Variants in RS1 observed in about 807,000 individuals in gnomAD.
RS1 encodes the protein retinoschisin.
RS1 carries 2 observed loss-of-function variants against 20.8 expected under a neutral mutation model. That is an observed-to-expected ratio of 0.10 (90% CI 0.04 to 0.30). The LOEUF is 0.30. Among genes scored for constraint, RS1 ranks in the 10% least tolerant of loss-of-function variants. RS1 has a pLI of 1.00. For missense variants in RS1, 151 were observed against 189.8 expected (o/e 0.80, Z 1.20); for synonymous variants, 70 against 75.8 (o/e 0.92, Z 0.40).
At chrX:18,661,827 C>T (rs995333224) in intron 1 of RS1, among the ~76,000 whole-genome samples, 2 of 112,325 alleles carry the variant, frequency 1.8e-5, no homozygotes, top group African/African-American at 3.2e-5. Context: ...TGTCTTCTTC[C>T]GCCAATGTGC....
chrX:18,646,609 G>C (rs933215503), intron 4 of RS1, among the ~76,000 whole-genome samples: 2 of 111,864 alleles, frequency 1.8e-5, no homozygotes, highest in African/African-American at 6.5e-5. Flanking sequence ...AGTCATTAAC[G>C]TGGCTTCTAA....
chrX:18,660,400 G>T (rs1928290504), intron 1 of RS1, among the ~76,000 whole-genome samples: 1 of 110,532 alleles, frequency 9.0e-6, no homozygotes, highest in South Asian at 3.9e-4. Context: ...GTAGAGACTG[G>T]GTTTTGCCAT....
chrX:18,650,613 G>A (rs148531754), intron 3 of RS1: 49 of 1,206,568 alleles, frequency 4.1e-5, no homozygotes, highest in South Asian at 2.1e-4. Context: ...ACTCTAGACC[G>A]GTGGGGCTCA....
At chrX:18,662,863 A>C (rs1482394927) in intron 1 of RS1, among the ~76,000 whole-genome samples, 2 of 109,760 alleles carry the variant, frequency 1.8e-5, no homozygotes, top group African/African-American at 6.7e-5. Flanking sequence ...TCCTGACCTC[A>C]TGATCCGCCC....
At chrX:18,667,948 A>G (rs1198098908) in intron 1 of RS1, among the ~76,000 whole-genome samples, 1 of 111,815 alleles carries the variant, frequency 8.9e-6, no homozygotes, top group African/African-American at 3.3e-5. Context: ...TGGCTGCTGC[A>G]GTCCCACACA....
intron 3 of RS1, among the ~76,000 whole-genome samples, chrX:18,653,118 A>G (rs189575860): frequency 8.9e-6 from 1 of 112,515 alleles, no homozygotes; most frequent in East Asian, 2.8e-4. Flanking sequence ...TTTCTGGAAG[A>G]ATGGATCATA....
At chrX:18,663,491 G>A (rs1031975716) in intron 1 of RS1, among the ~76,000 whole-genome samples, 1 of 108,523 alleles carries the variant, frequency 9.2e-6, no homozygotes, top group Non-Finnish European at 1.9e-5. Context: ...CTACAAGCCC[G>A]TGCCACCACA....
At position 18,653,508 on chromosome X, in the gene RS1, G is replaced by C; in HGVS notation, c.184+3145C>G. The C allele has an allele frequency of 2.5e-6, 3 of 1,211,904 alleles. No homozygotes were observed. The highest frequency in any genetic ancestry group is 4.3e-5 in the Admixed American group (2 of 46,042). The stretch of plus-strand genomic sequence containing the variant: ...CCCAGGTAAACCAAGCTGCGCTCCT[G>C]ACATACCATGAGAATGCGGCACTGA... On this transcript the variant is annotated intron_variant, in intron 3 of 5. Coordinates refer to ENST00000379984, the MANE Select transcript of RS1 (RefSeq NM_000330.4).
At chrX:18,656,557 G>A (rs1261518653) in intron 3 of RS1, 96 bp downstream of exon 3, 3 of 625,549 alleles carry the variant, frequency 4.8e-6, no homozygotes, top group African/African-American at 4.4e-5. Context: ...AAAGATGGGG[G>A]TAGCGTTCAG....
intron 3 of RS1, chrX:18,647,615 T>A: frequency 5.8e-6 from 2 of 344,746 alleles, no homozygotes; most frequent in Admixed American, 4.7e-5. Flanking sequence ...GTGTGTGGAA[T>A]TTTGAGAAAT....
Position 18,662,861 on chromosome X carries a change from T to G in RS1, c.53-5196A>C, listed in dbSNP as rs1203783063. Among the ~76,000 whole-genome samples the G allele has an allele frequency of 5.4e-5, 6 of 110,127 alleles. No individual in the cohort carries two copies. The Admixed American group carries it at 5.9e-4, about 11-fold the overall frequency. On this transcript the variant is annotated intron_variant, in intron 1 of 5. Transcript: ENST00000379984. The stretch of plus-strand genomic sequence containing the variant: ...CCAGGATGGTCTCGATCTCCTGACC[T>G]CATGATCCGCCCACCTCGGCCTCCC...
At chrX:18,650,959 C>A (rs961069759) in intron 3 of RS1, among the ~76,000 whole-genome samples, 1 of 112,110 alleles carries the variant, frequency 8.9e-6, no homozygotes, top group Non-Finnish European at 1.9e-5. Context: ...AGCACAGCGT[C>A]TTGCCAAAAA....
chrX:18,648,247 T>C (rs1927872188), intron 3 of RS1, among the ~76,000 whole-genome samples: 1 of 99,966 alleles, frequency 1.0e-5, no homozygotes, highest in African/African-American at 4.3e-5. Flanking sequence ...CTTCTTCTCC[T>C]TTTTTTTTTC....
In RS1 at chrX:18,641,919, G is replaced by T; in HGVS notation, c.*85C>A. On this transcript the variant is annotated 3_prime_UTR_variant, in exon 6 of 6. Coordinates refer to ENST00000379984, the MANE Select transcript of RS1 (RefSeq NM_000330.4). ...CAATTGCTTTGCGAAATATAGCCCT[G>T]TCCATCTCGGTGGTGTGTGAGGGGG... 9.7e-7 allele frequency: 1 copy of T among 1,026,355 alleles called. No homozygotes were observed. The highest frequency in any genetic ancestry group is 1.4e-6 in the Non-Finnish European group (1 of 734,301). The allele number at this position is 1,026,355 out of a possible 1,213,427, so 84.6% of individuals were successfully genotyped here.
rs1444720899 is a variant in RS1 at position 18,647,394 on chromosome X, C to T, written c.185-62G>A. Reference sequence around the variant, plus strand: ...TCAATACTCAACAAGCACCAGGTGACTGAAATAACAAAACAAACCCATCTG... The same window carrying T: ...TCAATACTCAACAAGCACCAGGTGATTGAAATAACAAAACAAACCCATCTG... On this transcript the variant is annotated intron_variant, in intron 3 of 5. Transcript: ENST00000379984. The T allele has an allele frequency of 1.1e-5, 13 of 1,153,099 alleles. No individual in the cohort carries two copies. In the East Asian group the frequency reaches 1.8e-4, roughly 16 times the overall value.
chrX:18,646,541 A>G (rs1927780460), intron 4 of RS1, among the ~76,000 whole-genome samples: 1 of 112,492 alleles, frequency 8.9e-6, no homozygotes, highest in African/African-American at 3.2e-5. Context: ...CAGCATGAAC[A>G]TGTATGCTAA....
intron 1 of RS1, 75 bp downstream of exon 1, chrX:18,671,942 T>G: frequency 1.2e-6 from 1 of 849,385 alleles, no homozygotes; most frequent in Non-Finnish European, 1.8e-6. Context: ...TCAGGCTATA[T>G]TCCTATTTAT....
rs1347049937 is a variant in RS1 at position 18,640,352 on chromosome X, T to G, written c.*1652A>C. ...ATGTCGTGACCAAAGTTAATTCACC[T>G]TTCCAAATAAGGGTCTCTGTTCAGG... On this transcript the variant is annotated 3_prime_UTR_variant, in exon 6 of 6. Transcript: ENST00000379984. 9.1e-6 allele frequency: 1 copy of G among 109,652 alleles called. No homozygotes were observed. The highest frequency in any genetic ancestry group is 9.8e-5 in the Admixed American group (1 of 10,162). 9.0% of individuals were successfully genotyped at this position (109,652 alleles called of 1,213,427 possible).
At chrX:18,647,688 T>C (rs1353058696) in intron 3 of RS1, 2 of 226,028 alleles carry the variant, frequency 8.8e-6, no homozygotes, top group Non-Finnish European at 1.6e-5. Flanking sequence ...AAATACCATA[T>C]TTAAATGCCA....
Sources: allele counts gnomAD v4.1 joint callset (sites outside exome capture counted in the v4.1 genomes callset), GRCh38; gene constraint gnomAD v4.1.1; transcripts MANE v1.5; gene names NCBI Gene and HGNC (gene_info 2026-07-23, HGNC 2026-07-21).